Variants in TLL1 observed in about 807,000 individuals in gnomAD.
The protein encoded by TLL1 is tolloid like 1.
A neutral mutation model predicts 128.2 loss-of-function variants in TLL1; 49 were observed. That is an observed-to-expected ratio of 0.38 (90% confidence interval 0.30 to 0.48). The LOEUF (loss-of-function observed/expected upper bound fraction) is 0.48. TLL1 is among the 20% of genes least tolerant of loss of function. The probability of loss-of-function intolerance (pLI) is 0.96; values close to 1 mark genes in which losing one functional copy is unlikely to be tolerated. For synonymous variants in TLL1, 454 were observed against 418.8 expected (o/e 1.08, Z -1.03); for missense variants, 1,123 against 1,242.0 (o/e 0.90, Z 1.44).
rs765968451 is a variant in TLL1, at chr4:166,007,963, A to C, written c.832A>C (p.Lys278Gln). 6.2e-7 allele frequency: 1 copy of C among 1,609,264 alleles called. No individual in the cohort carries two copies. The highest frequency in any genetic ancestry group is 1.3e-5 in the African/African-American group (1 of 74,670). ...IQPGQEYNFL[K>Q]MEPGEVNSLG... ...CTTAGGTCAAGAGTACAATTTTCTGAAGATGGAGCCTGGAGAAGTAAACTC... is the reference window on the plus strand; with the variant it reads ...CTTAGGTCAAGAGTACAATTTTCTGCAGATGGAGCCTGGAGAAGTAAACTC... Residue 278 changes from lysine to glutamine, a missense_variant, in exon 7 of 21, where the codon AAG (lysine) becomes CAG (glutamine). Around this residue, in one of 3 missense-constraint regions of TLL1, gnomAD observed 480 missense variants for 542.4 expected, o/e 0.89. Coordinates refer to ENST00000061240, the MANE Select transcript of TLL1 (RefSeq NM_012464.5).
intron 1 of TLL1, among the ~76,000 whole-genome samples, chr4:165,902,286 G>C (rs927573985): frequency 7.1e-6 from 1 of 141,704 alleles, no homozygotes; most frequent in Non-Finnish European, 1.5e-5. Context: ...GGTGCCACCA[G>C]GTTATGAAAA....
intron 1 of TLL1, among the ~76,000 whole-genome samples, chr4:165,891,998 TCAG>T (rs1246158749): frequency 3.9e-5 from 6 of 152,218 alleles, no homozygotes; most frequent in African/African-American, 1.4e-4. Flanking sequence ...GACTCACTGT[TCAG>T]CATGGCTGAG....
chr4:165,900,144 G>A (rs563270090), intron 1 of TLL1, among the ~76,000 whole-genome samples: 1 of 151,190 alleles, frequency 6.6e-6, no homozygotes, highest in African/African-American at 2.4e-5. Context: ...TTGTGAGATG[G>A]GTCTCCTGAA....
chr4:165,935,335 G>A (rs1733714231), intron 1 of TLL1, among the ~76,000 whole-genome samples: 1 of 152,144 alleles, frequency 6.6e-6, no homozygotes, highest in Non-Finnish European at 1.5e-5. Context: ...GAACACACTT[G>A]GGAAGTTATG....
At chr4:166,086,189 T>A (rs554446124) in intron 18 of TLL1, among the ~76,000 whole-genome samples, 14 of 152,098 alleles carry the variant, frequency 9.2e-5, no homozygotes, top group Non-Finnish European at 1.5e-4. Context: ...AGTATGATTA[T>A]TTAAATATAA....
At chr4:165,963,012 G>T (rs1235389511) in intron 1 of TLL1, among the ~76,000 whole-genome samples, 1 of 130,696 alleles carries the variant, frequency 7.7e-6, no homozygotes, top group East Asian at 2.3e-4. Flanking sequence ...CTGAGGTCGT[G>T]CCATTGCACT....
intron 15 of TLL1, among the ~76,000 whole-genome samples, chr4:166,061,485 T>A (rs1039171452): frequency 1.3e-5 from 2 of 152,106 alleles, no homozygotes; most frequent in Admixed American, 6.6e-5. Flanking sequence ...CTTCAAGTGA[T>A]CCGCCTGCCT....
At chr4:165,977,116 G>T (rs1341189856) in intron 1 of TLL1, among the ~76,000 whole-genome samples, 4 of 152,122 alleles carry the variant, frequency 2.6e-5, no homozygotes, top group African/African-American at 9.7e-5. Context: ...TTAGATTTTA[G>T]AAGTTTTAGG....
At position 165,874,014 on chromosome 4, in the gene TLL1, T is replaced by C. The variant is rs781602997; in HGVS notation, c.110T>C (p.Phe37Ser). Residue 37 changes from phenylalanine (F) to serine (S), a missense_variant, in exon 1 of 21, where the codon TTT (phenylalanine) becomes TCT (serine). Physicochemically the swap from Phe to Ser is radical, Grantham distance 155 (BLOSUM62 -2). Transcript: ENST00000061240. ...GCTGGCCTCGATTATGATTACACTT[T>C]TGATGGGAACGAAGAGGATAAAACA... ...VCAGLDYDYT[F>S]DGNEEDKTET... 3.7e-6 allele frequency: 6 copies of C among 1,614,038 alleles called. No homozygotes were observed. In the African/African-American group the frequency reaches 6.7e-5, roughly 18 times the overall value.
intron 1 of TLL1, among the ~76,000 whole-genome samples, chr4:165,956,481 C>G (rs1310641614): frequency 6.6e-6 from 1 of 151,958 alleles, no homozygotes; most frequent in African/African-American, 2.4e-5. Flanking sequence ...AAGAATTTAG[C>G]AATATCTCTC....
intron 1 of TLL1, among the ~76,000 whole-genome samples, chr4:165,904,827 TA>T (rs1298669804): frequency 1.8e-4 from 28 of 152,114 alleles, no homozygotes; most frequent in Non-Finnish European, 2.4e-4. Flanking sequence ...AGCAACTTAA[TA>T]AAAAATAAGC....
chr4:165,973,033 C>T (rs552963876), intron 1 of TLL1, among the ~76,000 whole-genome samples: 11 of 152,188 alleles, frequency 7.2e-5, no homozygotes, highest in African/African-American at 2.2e-4. Flanking sequence ...AATGCAGGTC[C>T]GTGCTTTATT....
intron 1 of TLL1, among the ~76,000 whole-genome samples, chr4:165,945,298 A>G (rs1319396275): frequency 1.3e-5 from 2 of 151,942 alleles, no homozygotes; most frequent in South Asian, 2.1e-4. Flanking sequence ...ATATCTAGAC[A>G]ATTTTCAAAC....
At chr4:165,907,980 C>T (rs1732347187) in intron 1 of TLL1, among the ~76,000 whole-genome samples, 1 of 152,182 alleles carries the variant, frequency 6.6e-6, no homozygotes, top group African/African-American at 2.4e-5. Context: ...GGAAGAGATA[C>T]TCTTTACCAG....
chr4:166,065,994 C>G, intron 16 of TLL1, 131 bp downstream of exon 16: 2 of 177,248 alleles, frequency 1.1e-5, no homozygotes, highest in East Asian at 2.1e-4. Context: ...ACAAACAACA[C>G]AAAAATAATT....
intron 1 of TLL1, among the ~76,000 whole-genome samples, chr4:165,914,167 T>G (rs752258595): frequency 6.6e-6 from 1 of 152,186 alleles, no homozygotes; most frequent in Non-Finnish European, 1.5e-5. Context: ...TTACCTTCAT[T>G]AGATAGCATT....
intron 19 of TLL1, among the ~76,000 whole-genome samples, chr4:166,097,185 G>A (rs1742064781): frequency 6.6e-6 from 1 of 152,004 alleles, no homozygotes; most frequent in African/African-American, 2.4e-5. Flanking sequence ...ATTTGCACCT[G>A]GGCAATTTGA....
intron 8 of TLL1, among the ~76,000 whole-genome samples, chr4:166,020,208 C>T (rs1378415385): frequency 1.3e-5 from 2 of 152,184 alleles, no homozygotes; most frequent in African/African-American, 4.8e-5. Context: ...TTTCTGGACA[C>T]TGCTTCCAAA....
chr4:165,983,703 A>G (rs911719853), intron 1 of TLL1, among the ~76,000 whole-genome samples: 1 of 151,862 alleles, frequency 6.6e-6, no homozygotes, highest in African/African-American at 2.4e-5. Flanking sequence ...CCTTTGAAGG[A>G]ACTTCTAAAT....
Sources: gnomAD v4.1 joint callset for allele counts (sites outside exome capture counted in the v4.1 genomes callset) on GRCh38, gnomAD v4.1.1 for gene constraint, gnomAD v4.1.1 regional missense constraint, MANE v1.5 for transcripts, NCBI Gene and HGNC (gene_info 2026-07-23, HGNC 2026-07-21) for gene names.